CEP128: variants seen among roughly 807,000 people sequenced by gnomAD.
The protein encoded by CEP128 is centrosomal protein 128, also known as centrosomal protein 128kDa.
A neutral mutation model predicts 156.7 loss-of-function variants in CEP128; 132 were observed. The observed-to-expected ratio is 0.84, with a 90% CI of 0.73 to 0.97. The LOEUF (loss-of-function observed/expected upper bound fraction) is 0.97. CEP128 is among the 50% of genes least tolerant of loss of function. CEP128 has a pLI of 0.00. For synonymous variants in CEP128, 469 were observed against 448.9 expected (o/e 1.04, Z -0.57); for missense variants, 1,252 against 1,281.9 (o/e 0.98, Z 0.36).
At chr14:80,551,454 T>G (rs982063609) in intron 21 of CEP128, among the ~76,000 whole-genome samples, 1 of 152,206 alleles carries the variant, frequency 6.6e-6, no homozygotes, top group Non-Finnish European at 1.5e-5. Flanking sequence ...CAGTCCTTAC[T>G]GTCAAACCAA....
chr14:80,762,139 C>A (rs186776400), intron 16 of CEP128, among the ~76,000 whole-genome samples: 1 of 151,900 alleles, frequency 6.6e-6, no homozygotes, highest in Admixed American at 6.6e-5. Flanking sequence ...GCTTTTGAGT[C>A]GTGAAAATTT....
intron 19 of CEP128, among the ~76,000 whole-genome samples, chr14:80,729,120 TGTGTGTG>T (rs1566881177): frequency 1.3e-4 from 13 of 97,638 alleles, no homozygotes; most frequent in African/African-American, 3.5e-4. Flanking sequence ...TGTGTGTGTG[TGTGTGTG>T]TTTACCCAGT....
intron 2 of CEP128, among the ~76,000 whole-genome samples, chr14:80,920,415 T>G (rs1266858810): frequency 6.6e-6 from 1 of 152,212 alleles, no homozygotes; most frequent in African/African-American, 2.4e-5. Context: ...TCTGAGAGCC[T>G]CTTAATATAA....
At chr14:80,608,327 A>G (rs1892866189) in intron 19 of CEP128, among the ~76,000 whole-genome samples, 2 of 152,216 alleles carry the variant, frequency 1.3e-5, no homozygotes. Flanking sequence ...GGCACCTAGA[A>G]AAGTGCTGGG....
intron 19 of CEP128, among the ~76,000 whole-genome samples, chr14:80,738,850 G>A (rs1898666967): frequency 6.6e-6 from 1 of 152,160 alleles, no homozygotes; most frequent in Non-Finnish European, 1.5e-5. Flanking sequence ...CCACACATAA[G>A]GGGAGTCTAC....
At chr14:80,808,704 T>C (rs1446017651) in intron 13 of CEP128, among the ~76,000 whole-genome samples, 1 of 151,450 alleles carries the variant, frequency 6.6e-6, no homozygotes, top group African/African-American at 2.4e-5. Context: ...CACCACAGCC[T>C]CCACTAATAA....
At position 80,787,007 on chromosome 14, in the gene CEP128, C is replaced by T. The variant is rs185469870; in HGVS notation, c.1561-1462G>A. 2.0e-4 allele frequency among the ~76,000 whole-genome samples: 31 copies of T among 152,098 alleles called. No individual in the cohort carries two copies. The East Asian group carries it at 2.7e-3, about 13-fold the overall frequency. ...GAACACAGATGAAGGAGTTCACTTC[C>T]GAAAGAATGTAAGGTAGGAGAAATA... On this transcript the variant is annotated intron_variant, in intron 14 of 24. Coordinates refer to ENST00000555265, the MANE Select transcript of CEP128 (RefSeq NM_152446.5).
intron 19 of CEP128, among the ~76,000 whole-genome samples, chr14:80,638,297 T>C (rs1188558554): frequency 1.3e-5 from 2 of 152,224 alleles, no homozygotes; most frequent in Non-Finnish European, 1.5e-5. Context: ...CTCCCATCTG[T>C]GTGCAAAGAT....
intron 19 of CEP128, among the ~76,000 whole-genome samples, chr14:80,685,388 A>C (rs1896485530): frequency 6.6e-6 from 1 of 152,048 alleles, no homozygotes; most frequent in African/African-American, 2.4e-5. Context: ...ATCTAACCGA[A>C]GAAGTAAAAT....
intron 19 of CEP128, among the ~76,000 whole-genome samples, chr14:80,601,297 T>C (rs1892572297): frequency 6.6e-6 from 1 of 152,194 alleles, no homozygotes; most frequent in South Asian, 2.1e-4. Context: ...TGTGGTGTTC[T>C]GAGAAATGCA....
intron 9 of CEP128, among the ~76,000 whole-genome samples, chr14:80,853,117 C>T (rs568268741): frequency 1.1e-4 from 17 of 151,662 alleles, no homozygotes; most frequent in Non-Finnish European, 1.9e-4. Flanking sequence ...TAACAGCAAA[C>T]ATCTCTTGGC....
At chr14:80,928,488 G>C (rs868847758) in intron 2 of CEP128, among the ~76,000 whole-genome samples, 3 of 152,170 alleles carry the variant, frequency 2.0e-5, no homozygotes, top group Middle Eastern at 6.8e-3. Context: ...CACATTTAGG[G>C]AACTACAAAA....
intron 2 of CEP128, among the ~76,000 whole-genome samples, chr14:80,935,282 G>A (rs1220814629): frequency 6.6e-6 from 1 of 152,146 alleles, no homozygotes. Context: ...TGGGCACAGT[G>A]GCTCATGCCT....
intron 9 of CEP128, among the ~76,000 whole-genome samples, chr14:80,852,995 T>A (rs1886968128): frequency 6.6e-6 from 1 of 151,922 alleles, no homozygotes; most frequent in African/African-American, 2.4e-5. Context: ...CATCTATTGA[T>A]GGAATCAACC....
intron 2 of CEP128, among the ~76,000 whole-genome samples, chr14:80,930,654 C>T (rs891620208): frequency 3.3e-5 from 5 of 152,202 alleles, no homozygotes; most frequent in Admixed American, 2.0e-4. Context: ...AATAAAGCCA[C>T]GAAACCTTCA....
intron 20 of CEP128, among the ~76,000 whole-genome samples, chr14:80,564,513 C>G (rs1187819827): frequency 6.6e-6 from 1 of 152,322 alleles, no homozygotes; most frequent in Non-Finnish European, 1.5e-5. Context: ...GGTTTTGAAA[C>G]TGCCTTTGCA....
rs182295533 is a variant in CEP128 at position 80,877,335 on chromosome 14, G to A, written c.646-14462C>T. ...AATGAAATCAACATTTACATTAAAT[G>A]TAATACAGCAAATCCTCCAAATCAA... On this transcript the variant is annotated intron_variant, in intron 8 of 24. Coordinates refer to ENST00000555265, the MANE Select transcript of CEP128 (RefSeq NM_152446.5). Among the ~76,000 whole-genome samples the A allele has an allele frequency of 4.6e-5, 7 of 152,192 alleles. No homozygotes were observed. The South Asian group carries it at 1.4e-3, about 32-fold the overall frequency.
intron 23 of CEP128, among the ~76,000 whole-genome samples, chr14:80,523,144 C>CA (rs1340489350): frequency 6.6e-6 from 1 of 152,214 alleles, no homozygotes; most frequent in East Asian, 1.9e-4. Flanking sequence ...TTGGATGTTT[C>CA]AGTGCCTTCT....
chr14:80,938,838 G>T (rs1017462206), intron 2 of CEP128, among the ~76,000 whole-genome samples: 1 of 152,114 alleles, frequency 6.6e-6, no homozygotes, highest in African/African-American at 2.4e-5. Flanking sequence ...TGAAAGAGAT[G>T]AATAACTGCA....
Sources: gnomAD v4.1 joint callset for allele counts (sites outside exome capture counted in the v4.1 genomes callset) on GRCh38, gnomAD v4.1.1 for gene constraint, MANE v1.5 for transcripts, NCBI Gene and HGNC (gene_info 2026-07-23, HGNC 2026-07-21) for gene names.